DNAH11: variants seen among roughly 807,000 people sequenced by gnomAD.
DNAH11 encodes dynein axonemal heavy chain 11, also known as axonemal beta dynein heavy chain 11.
DNAH11 carries 442 observed loss-of-function variants against 526.0 expected under a neutral mutation model. The observed-to-expected ratio is 0.84, with a 90% CI of 0.78 to 0.91. The LOEUF (loss-of-function observed/expected upper bound fraction) is 0.91, where lower values mean the gene tolerates loss of function less well. Among genes scored for constraint, DNAH11 ranks in the 40% least tolerant of loss-of-function variants. The pLI is 0.00. For missense variants in DNAH11, 6,989 were observed against 5,448.7 expected (o/e 1.28, Z -8.90); for synonymous variants, 2,461 against 1,935.9 (o/e 1.27, Z -7.12).
At chr7:21,558,298 T>C (rs1224611885) in intron 2 of DNAH11, among the ~76,000 whole-genome samples, 1 of 152,192 alleles carries the variant, frequency 6.6e-6, no homozygotes, top group Admixed American at 6.5e-5. Context: ...CATAGTTTCA[T>C]TGATGTTTCC....
chr7:21,763,579 A>T (rs1035255485), intron 54 of DNAH11, among the ~76,000 whole-genome samples: 1 of 151,576 alleles, frequency 6.6e-6, no homozygotes, highest in African/African-American at 2.4e-5. Flanking sequence ...TGCAACTACT[A>T]TGGAAAACAG....
rs148589719 is a variant in DNAH11, at chr7:21,802,018, T to C, written c.10165+743T>C. ...CATTTAACAGTTCTGGGGAAATCAC[T>C]GAACGTCTTCAACTTTGTTTTCTTG... is the stretch of plus-strand genomic sequence containing the variant. On this transcript the variant is annotated intron_variant, in intron 62 of 81. Transcript: ENST00000409508. Among the ~76,000 whole-genome samples, 648 of 152,350 alleles carry C rather than the reference T, an allele frequency of 4.3e-3. 4 individuals are homozygous for C. Among genetic ancestry groups the C allele is most frequent in the African/African-American group, 0.014 (599 of 41,590 alleles).
At chr7:21,631,828 G>A (rs1037311745) in intron 25 of DNAH11, among the ~76,000 whole-genome samples, 1 of 152,232 alleles carries the variant, frequency 6.6e-6, no homozygotes, top group Non-Finnish European at 1.5e-5. Context: ...ACCTTTCTGG[G>A]GTCTGGAGGA....
intron 65 of DNAH11, among the ~76,000 whole-genome samples, chr7:21,836,963 A>T (rs933748040): frequency 6.6e-6 from 1 of 152,162 alleles, no homozygotes; most frequent in Non-Finnish European, 1.5e-5. Context: ...CTCAGAAGAC[A>T]TACAAATGAC....
Position 21,808,263 on chromosome 7 carries a change from C to G in DNAH11, c.10332+214C>G, listed in dbSNP as rs971163261. ...TATTTTTAAAAATGTTTTTATTGAT[C>G]TATAATACTCATATATATTTTTGGG... On this transcript the variant is annotated intron_variant, in intron 63 of 81. Transcript: ENST00000409508. 3.3e-5 allele frequency among the ~76,000 whole-genome samples: 5 copies of G among 151,958 alleles called. 1 individual carries two copies. The highest frequency in any genetic ancestry group is 2.6e-4 in the Admixed American group (4 of 15,254).
chr7:21,605,781 T>A (rs1286689489), intron 18 of DNAH11, among the ~76,000 whole-genome samples: 1 of 152,228 alleles, frequency 6.6e-6, no homozygotes, highest in Admixed American at 6.5e-5. Flanking sequence ...AACAAAGTCA[T>A]TTCCAGAGCA....
In DNAH11 at chr7:21,738,827, C is replaced by T. The variant is rs387907258; in HGVS notation, c.7772C>T (p.Pro2591Leu). The change falls in exon 47 of 82, where the codon CCT (proline) becomes CTT (leucine). Residue 2591 changes from proline to leucine, a missense_variant. Pro to Leu is a moderately conservative substitution (Grantham distance 98). Coordinates refer to ENST00000409508, the MANE Select transcript of DNAH11 (RefSeq NM_001277115.2). ...GTGGACTTATATGGCACCGTTCAGC[C>T]TCACACCCTGATCCGGCAGCATATT... ...PEVDLYGTVQ[P>L]HTLIRQHIDY... The T allele has an allele frequency of 5.6e-6, 9 of 1,606,328 alleles. No homozygotes were observed. The highest frequency in any genetic ancestry group is 7.6e-6 in the Non-Finnish European group (9 of 1,176,488).
At chr7:21,607,049 C>G (rs1443319759) in intron 20 of DNAH11, among the ~76,000 whole-genome samples, 1 of 152,158 alleles carries the variant, frequency 6.6e-6, no homozygotes, top group African/African-American at 2.4e-5. Flanking sequence ...AGTAGGCTGT[C>G]TGCAAGCTGA....
At chr7:21,738,400 C>T (rs1027169510) in intron 46 of DNAH11, among the ~76,000 whole-genome samples, 4 of 152,104 alleles carry the variant, frequency 2.6e-5, no homozygotes, top group African/African-American at 4.8e-5. Flanking sequence ...GGAGGAAGTA[C>T]GCAGATCAGC....
intron 74 of DNAH11, among the ~76,000 whole-genome samples, chr7:21,873,722 C>T (rs1159435173): frequency 6.9e-6 from 1 of 144,230 alleles, no homozygotes; most frequent in African/African-American, 2.5e-5. Flanking sequence ...CTCACCCTAA[C>T]ATTAAGAAAA....
intron 44 of DNAH11, among the ~76,000 whole-genome samples, chr7:21,724,613 G>T (rs114158491): frequency 0.014 from 2,030 of 147,952 alleles, 44 homozygotes; most frequent in African/African-American, 0.05. Flanking sequence ...GATATAAGAG[G>T]TACAGAGCCA....
intron 25 of DNAH11, among the ~76,000 whole-genome samples, chr7:21,626,522 G>A (rs1010035744): frequency 2.6e-5 from 4 of 152,002 alleles, no homozygotes; most frequent in Admixed American, 1.3e-4. Flanking sequence ...AAAACTCTCC[G>A]TACTGTTCTC....
At chr7:21,809,414 T>A (rs557337935) in intron 63 of DNAH11, among the ~76,000 whole-genome samples, 49 of 152,176 alleles carry the variant, frequency 3.2e-4, no homozygotes, top group Non-Finnish European at 5.4e-4. Flanking sequence ...TGCATTTGTT[T>A]GTGGTCTTAA....
Position 21,749,666 on chromosome 7 carries a change from C to T in DNAH11, c.8674-12C>T, listed in dbSNP as rs748687565. 46 of 1,613,476 alleles carry T rather than the reference C, an allele frequency of 2.9e-5. No individual in the cohort carries two copies. In the South Asian group the frequency reaches 4.5e-4, roughly 16 times the overall value. On this transcript the variant is annotated splice_polypyrimidine_tract_variant and intron_variant, in intron 52 of 81. Coordinates refer to ENST00000409508, the MANE Select transcript of DNAH11 (RefSeq NM_001277115.2). ...ATTTTAACAAAACATGAGTGATGGC[C>T]TTTCCTTACAGGTAGATCTTGCCAA...
At chr7:21,589,546 C>G in intron 12 of DNAH11, 143 bp downstream of exon 12, 1 of 638,088 alleles carries the variant, frequency 1.6e-6, no homozygotes, top group African/African-American at 1.9e-5. Context: ...TCTTACAGGT[C>G]TTCATTGTAG....
intron 2 of DNAH11, among the ~76,000 whole-genome samples, chr7:21,552,281 C>T (rs945176670): frequency 3.9e-5 from 6 of 152,280 alleles, no homozygotes; most frequent in African/African-American, 1.2e-4. Context: ...TCGGGTTTCT[C>T]TTCTAGTAAC....
chr7:21,867,136 A>T (rs1783311941), intron 71 of DNAH11, among the ~76,000 whole-genome samples: 1 of 152,214 alleles, frequency 6.6e-6, no homozygotes, highest in Non-Finnish European at 1.5e-5. Context: ...CCTTGTCTAC[A>T]TCTTGGTTTA....
intron 28 of DNAH11, among the ~76,000 whole-genome samples, chr7:21,643,636 C>T (rs1787222065): frequency 6.6e-6 from 1 of 152,086 alleles, no homozygotes; most frequent in South Asian, 2.1e-4. Context: ...ATATTTGATT[C>T]AGTAATTGGA....
rs1423617344 is a variant in DNAH11 at position 21,564,352 on chromosome 7, G to A, written c.1149G>A (p.Arg383=). 3 of 1,613,248 alleles carry A rather than the reference G, an allele frequency of 1.9e-6. No individual in the cohort carries two copies. The highest frequency in any genetic ancestry group is 2.2e-5 in the South Asian group (2 of 91,024). ...SHSKFYNTPA[R]VIVLLQEFCN... The stretch of plus-strand genomic sequence containing the variant: ...CCAAGTTTTATAACACCCCAGCTCG[G>A]GTTATAGTTTTATTGCAAGAGTTTT... The change falls in exon 6 of 82, where the codon CGG becomes CGA. Residue 383 remains arginine (R), a synonymous_variant. Coordinates refer to ENST00000409508, the MANE Select transcript of DNAH11 (RefSeq NM_001277115.2).
Sources: gnomAD v4.1 joint callset for allele counts (sites outside exome capture counted in the v4.1 genomes callset) on GRCh38, gnomAD v4.1.1 for gene constraint, MANE v1.5 for transcripts, NCBI Gene and HGNC (gene_info 2026-07-23, HGNC 2026-07-21) for gene names.